Variants in SORL1 observed in about 807,000 individuals in gnomAD.
SORL1 encodes sortilin related receptor 1, also known as sortilin-related receptor.
In SORL1, 127 loss-of-function variants were observed where a neutral mutation model predicts 273.7. The ratio of observed to expected loss-of-function variants is 0.46; its 90% CI spans 0.40 to 0.54. The LOEUF (loss-of-function observed/expected upper bound fraction) is 0.54. Ranked by LOEUF, SORL1 falls within the 20% of genes least tolerant of loss-of-function variation. SORL1 has a pLI of 0.00. For missense variants in SORL1, 2,494 were observed against 2,846.1 expected (o/e 0.88, Z 2.81); for synonymous variants, 1,031 against 1,067.4 (o/e 0.97, Z 0.66).
Position 121,537,169 on chromosome 11 carries a change from C to T in SORL1, c.1685+4617C>T, listed in dbSNP as rs73595232. On this transcript the variant is annotated intron_variant, in intron 12 of 47. Coordinates refer to ENST00000260197, the MANE Select transcript of SORL1 (RefSeq NM_003105.6). ...TTTCCAGGTGGGAAGTAGTGAGAAA[C>T]GAGGCTGGAGGAAGGTATCTATGTA... Among the ~76,000 whole-genome samples the T allele has an allele frequency of 7.1e-3, 1,087 of 152,202 alleles. 7 individuals are homozygous for T. Among genetic ancestry groups the T allele is most frequent in the African/African-American group, 0.025 (1,018 of 41,512 alleles).
chr11:121,533,945 A>G (rs1862235047), intron 12 of SORL1, among the ~76,000 whole-genome samples: 1 of 152,240 alleles, frequency 6.6e-6, no homozygotes, highest in Non-Finnish European at 1.5e-5. Context: ...TGCTCAGACA[A>G]CGACCATCAC....
chr11:121,486,742 G>A (rs1205088327), intron 3 of SORL1, among the ~76,000 whole-genome samples: 1 of 152,030 alleles, frequency 6.6e-6, no homozygotes, highest in Non-Finnish European at 1.5e-5. Context: ...GCCTCCCAAA[G>A]TGCTGGGATT....
intron 21 of SORL1, among the ~76,000 whole-genome samples, chr11:121,560,227 C>A (rs1040515389): frequency 6.6e-6 from 1 of 152,184 alleles, no homozygotes; most frequent in African/African-American, 2.4e-5. Flanking sequence ...GTGTCTAGCA[C>A]TTTGTAGGTG....
At chr11:121,589,447 G>A in intron 29 of SORL1, 57 bp downstream of exon 29, 3 of 1,599,638 alleles carry the variant, frequency 1.9e-6, no homozygotes, top group African/African-American at 2.7e-5. Flanking sequence ...AGTGATGCCT[G>A]CAGTTACAGG....
intron 31 of SORL1, among the ~76,000 whole-genome samples, chr11:121,591,689 C>T (rs934076938): frequency 6.6e-6 from 1 of 152,166 alleles, no homozygotes; most frequent in South Asian, 2.1e-4. Context: ...TTCGTGTGTG[C>T]TCCTAACAGC....
rs962143495 is a variant in SORL1 at position 121,631,382 on chromosome 11, A to C, written c.*1819A>C. 2 of 150,678 alleles carry C rather than the reference A, an allele frequency of 1.3e-5. No homozygotes were observed. The highest frequency in any genetic ancestry group is 6.6e-5 in the Admixed American group (1 of 15,114). The allele number at this position is 150,678 out of a possible 1,614,324, so 9.3% of individuals were successfully genotyped here. A position where few individuals can be genotyped will look rare whatever the true frequency, so the allele number is the denominator to read the frequency against. On this transcript the variant is annotated 3_prime_UTR_variant, in exon 48 of 48. Transcript: ENST00000260197. ...CACTTTCCTAAGTTTTTTTTTTTAA[A>C]GACTGGAATTTTTTTTGGCTTTATC...
In SORL1 at chr11:121,603,042, C is replaced by T. The variant is rs1386082375; in HGVS notation, c.4520-1151C>T. ...TATTCTCTCTGTCTCTCACCACAAC[C>T]AGAAAAGGGTCTCTGCTTTTAAGGA... On this transcript the variant is annotated intron_variant, in intron 32 of 47. Transcript: ENST00000260197. Among the ~76,000 whole-genome samples, 5 of 152,224 alleles carry T rather than the reference C, an allele frequency of 3.3e-5. No homozygotes were observed. The East Asian group carries it at 9.6e-4, about 29-fold the overall frequency.
At chr11:121,602,610 A>T (rs1341347101) in intron 32 of SORL1, among the ~76,000 whole-genome samples, 3 of 152,108 alleles carry the variant, frequency 2.0e-5, no homozygotes, top group Non-Finnish European at 4.4e-5. Context: ...TGTTAGGAGG[A>T]AGGAGAAGAG....
At chr11:121,572,584 C>T (rs1163117105) in intron 23 of SORL1, among the ~76,000 whole-genome samples, 3 of 152,114 alleles carry the variant, frequency 2.0e-5, no homozygotes, top group Admixed American at 1.3e-4. Context: ...AAGGAGGTTG[C>T]GTGTGGAGGA....
intron 25 of SORL1, among the ~76,000 whole-genome samples, chr11:121,582,643 A>G (rs1359221977): frequency 6.6e-6 from 1 of 152,206 alleles, no homozygotes; most frequent in African/African-American, 2.4e-5. Flanking sequence ...ATGTGTGCAG[A>G]GGAGGCTGTT....
At chr11:121,466,184 G>A (rs1040266907) in intron 1 of SORL1, among the ~76,000 whole-genome samples, 2 of 152,166 alleles carry the variant, frequency 1.3e-5, no homozygotes, top group African/African-American at 4.8e-5. Flanking sequence ...CTGTGAGCTA[G>A]ACAGGGGAGA....
chr11:121,462,730 A>T (rs1450694394), intron 1 of SORL1, among the ~76,000 whole-genome samples: 1 of 152,066 alleles, frequency 6.6e-6, no homozygotes, highest in Non-Finnish European at 1.5e-5. Flanking sequence ...GACTACAGGC[A>T]TGCGCCACCA....
At chr11:121,461,903 G>A (rs572158063) in intron 1 of SORL1, among the ~76,000 whole-genome samples, 1 of 152,304 alleles carries the variant, frequency 6.6e-6, no homozygotes, top group Non-Finnish European at 1.5e-5. Flanking sequence ...AAGAAATGAT[G>A]TTTTAGTGCG....
intron 25 of SORL1, among the ~76,000 whole-genome samples, chr11:121,580,760 A>G (rs959546788): frequency 2.6e-5 from 4 of 151,766 alleles, no homozygotes; most frequent in Non-Finnish European, 4.4e-5. Flanking sequence ...ATGTGCCATC[A>G]TGCCTGGCTA....
At chr11:121,609,763 A>G (rs780349710) in intron 38 of SORL1, 1 of 152,248 alleles carries the variant, frequency 6.6e-6, no homozygotes, top group Non-Finnish European at 1.5e-5. Context: ...AGTAATGACA[A>G]TGAGAAAAGC....
chr11:121,577,501 T>C (rs1193570771), intron 25 of SORL1, 101 bp downstream of exon 25: 12 of 1,304,570 alleles, frequency 9.2e-6, no homozygotes, highest in South Asian at 2.0e-5. Context: ...GAGAATTAGC[T>C]TGGACCTTAG....
At chr11:121,524,711 G>A (rs908934850) in intron 11 of SORL1, among the ~76,000 whole-genome samples, 2 of 151,672 alleles carry the variant, frequency 1.3e-5, no homozygotes, top group African/African-American at 2.4e-5. Context: ...CTTTTTTTGT[G>A]CTTTTTTCTC....
intron 12 of SORL1, among the ~76,000 whole-genome samples, chr11:121,535,312 A>G (rs1443599507): frequency 1.3e-5 from 2 of 152,226 alleles, no homozygotes; most frequent in South Asian, 2.1e-4. Context: ...GGAATAAGAG[A>G]TTAGTCAGGA....
In SORL1 at chr11:121,586,287, G is replaced by A. The variant is rs145960733; in HGVS notation, c.3772G>A (p.Gly1258Ser). 50 of 1,614,000 alleles carry A rather than the reference G, an allele frequency of 3.1e-5. No homozygotes were observed. Among genetic ancestry groups the A allele is most frequent in the Non-Finnish European group, 4.1e-5 (48 of 1,179,998 alleles). Reference sequence around the variant, plus strand: ...CATCCCATCCAGCAAACATTGTGATGGTCTGCGTGATTGCTCTGATGGCTC... The same window carrying A: ...CATCCCATCCAGCAAACATTGTGATAGTCTGCGTGATTGCTCTGATGGCTC... ...TCIPSSKHCD[G>S]LRDCSDGSDE... Residue 1258 changes from glycine to serine, a missense_variant, in exon 27 of 48, where the codon GGT (glycine) becomes AGT (serine). Physicochemically the swap from Gly to Ser is moderately conservative, Grantham distance 56. Transcript: ENST00000260197.
Sources: gnomAD v4.1 joint callset for allele counts (sites outside exome capture counted in the v4.1 genomes callset) on GRCh38, gnomAD v4.1.1 for gene constraint, MANE v1.5 for transcripts, NCBI Gene and HGNC (gene_info 2026-07-23, HGNC 2026-07-21) for gene names.